IGF1R: variants seen among roughly 807,000 people sequenced by gnomAD.
The protein encoded by IGF1R is insulin like growth factor 1 receptor, also known as insulin-like growth factor 1 receptor.
IGF1R carries 44 observed loss-of-function variants against 144.6 expected under a neutral mutation model. That is an observed-to-expected ratio of 0.30 (90% CI 0.24 to 0.39). IGF1R has a LOEUF of 0.39. IGF1R is among the 10% of genes least tolerant of loss of function. The probability of loss-of-function intolerance (pLI) is 1.00; values close to 1 mark genes in which losing one functional copy is unlikely to be tolerated. For missense variants in IGF1R, 1,355 were observed against 1,833.7 expected (o/e 0.74, Z 4.77); for synonymous variants, 795 against 722.8 (o/e 1.10, Z -1.60).
intron 2 of IGF1R, among the ~76,000 whole-genome samples, chr15:98,890,128 G>A (rs995167770): frequency 2.0e-5 from 3 of 152,170 alleles, no homozygotes; most frequent in African/African-American, 7.2e-5. Flanking sequence ...ATATCCTATG[G>A]TTCTGTGGGC....
intron 2 of IGF1R, among the ~76,000 whole-genome samples, chr15:98,839,604 T>C (rs975023717): frequency 6.6e-6 from 1 of 152,242 alleles, no homozygotes; most frequent in African/African-American, 2.4e-5. Context: ...TGCATTCCTC[T>C]TCTTTCTAGA....
At chr15:98,777,266 T>A (rs2055742935) in intron 2 of IGF1R, among the ~76,000 whole-genome samples, 1 of 152,232 alleles carries the variant, frequency 6.6e-6, no homozygotes, top group African/African-American at 2.4e-5. Flanking sequence ...CAGTGTGGTT[T>A]GTTTTAAGTG....
intron 2 of IGF1R, among the ~76,000 whole-genome samples, chr15:98,867,246 A>G (rs1401839477): frequency 6.6e-6 from 1 of 152,216 alleles, no homozygotes; most frequent in African/African-American, 2.4e-5. Context: ...TTGCGCAGCA[A>G]CAAAAGCCAC....
intron 2 of IGF1R, among the ~76,000 whole-genome samples, chr15:98,799,348 A>G (rs1366303596): frequency 7.5e-6 from 1 of 134,098 alleles, no homozygotes; most frequent in African/African-American, 2.8e-5. Flanking sequence ...TTGGATAGCT[A>G]GAAGGGCTGC....
Position 98,649,477 on chromosome 15 carries a change from C to G in IGF1R, c.-105C>G, listed in dbSNP as rs1486572793. The G allele has an allele frequency of 1.2e-6, 1 of 807,344 alleles. No homozygotes were observed. The highest frequency in any genetic ancestry group is 2.5e-5 in the Admixed American group (1 of 39,848). 50.0% of individuals were successfully genotyped at this position (807,344 alleles called of 1,614,324 possible). A position where few individuals can be genotyped will look rare whatever the true frequency, so the allele number is the denominator to read the frequency against. On this transcript the variant is annotated 5_prime_UTR_variant, in exon 1 of 21. Transcript: ENST00000650285. ...CTTGTTTTTGGAGGGGGAGCGAAGA[C>G]TGAGTTTGAGACTTGTTTCCTTTCA...
intron 10 of IGF1R, among the ~76,000 whole-genome samples, chr15:98,919,854 C>T (rs557201429): frequency 6.6e-6 from 1 of 152,302 alleles, no homozygotes; most frequent in East Asian, 1.9e-4. Context: ...CTGTTTTACA[C>T]GTGGATTGTC....
At chr15:98,939,120 T>C in intron 17 of IGF1R, 81 bp from the exon 18 acceptor site, 1 of 1,184,196 alleles carries the variant, frequency 8.4e-7, no homozygotes, top group Non-Finnish European at 1.3e-6. Context: ...TGAACAAAGA[T>C]GATATGCAAA....
At chr15:98,936,314 C>A (rs1257737803) in intron 17 of IGF1R, among the ~76,000 whole-genome samples, 1 of 152,200 alleles carries the variant, frequency 6.6e-6, no homozygotes, top group African/African-American at 2.4e-5. Flanking sequence ...TGCAATTTTT[C>A]ATTAAAAGTC....
intron 2 of IGF1R, among the ~76,000 whole-genome samples, chr15:98,792,672 G>A (rs1417335254): frequency 1.3e-5 from 2 of 152,094 alleles, no homozygotes; most frequent in African/African-American, 4.8e-5. Flanking sequence ...ATTCCTAGGT[G>A]GCATGGGAGG....
intron 2 of IGF1R, among the ~76,000 whole-genome samples, chr15:98,866,018 G>A (rs1054436121): frequency 6.6e-6 from 1 of 152,210 alleles, no homozygotes; most frequent in Non-Finnish European, 1.5e-5. Context: ...CACCCGGATG[G>A]GTTGGTAGTG....
chr15:98,833,521 T>G (rs1200180400), intron 2 of IGF1R, among the ~76,000 whole-genome samples: 1 of 152,232 alleles, frequency 6.6e-6, no homozygotes, highest in Non-Finnish European at 1.5e-5. Flanking sequence ...TGGCTCCATT[T>G]TTGAATGGCC....
At chr15:98,884,483 A>G (rs1231450712) in intron 2 of IGF1R, among the ~76,000 whole-genome samples, 3 of 152,140 alleles carry the variant, frequency 2.0e-5, no homozygotes, top group Non-Finnish European at 2.9e-5. Flanking sequence ...TCACGAGGTC[A>G]GGAGATTGAG....
At chr15:98,753,009 C>T (rs2055054630) in intron 2 of IGF1R, among the ~76,000 whole-genome samples, 1 of 144,988 alleles carries the variant, frequency 6.9e-6, no homozygotes, top group Non-Finnish European at 1.5e-5. Context: ...GATCTTGGCT[C>T]ACTGCAACCT....
chr15:98,766,591 T>G (rs1177340369), intron 2 of IGF1R, among the ~76,000 whole-genome samples: 1 of 152,250 alleles, frequency 6.6e-6, no homozygotes, highest in Non-Finnish European at 1.5e-5. Context: ...ATAATGTATT[T>G]ATTGATTGAT....
chr15:98,865,378 G>C (rs2012373490), intron 2 of IGF1R, among the ~76,000 whole-genome samples: 1 of 152,220 alleles, frequency 6.6e-6, no homozygotes, highest in South Asian at 2.1e-4. Flanking sequence ...GTACAGGCGT[G>C]GATCTGGGTT....
chr15:98,953,834 G>A (rs2016871669), intron 20 of IGF1R, among the ~76,000 whole-genome samples: 1 of 152,182 alleles, frequency 6.6e-6, no homozygotes, highest in African/African-American at 2.4e-5. Flanking sequence ...CTGGAATCCT[G>A]GTTTGGTTCT....
chr15:98,688,188 G>T (rs1274367391), intron 1 of IGF1R, among the ~76,000 whole-genome samples: 1 of 152,128 alleles, frequency 6.6e-6, no homozygotes, highest in Non-Finnish European at 1.5e-5. Flanking sequence ...AGGGGGCAGG[G>T]TTTTGGATTC....
chr15:98,857,776 C>G (rs996325126), intron 2 of IGF1R, among the ~76,000 whole-genome samples: 17 of 152,174 alleles, frequency 1.1e-4, no homozygotes, highest in African/African-American at 4.1e-4. Flanking sequence ...CTGGACATCA[C>G]AGATCTAACA....
At chr15:98,683,820 G>A (rs2053252561) in intron 1 of IGF1R, among the ~76,000 whole-genome samples, 1 of 152,142 alleles carries the variant, frequency 6.6e-6, no homozygotes, top group African/African-American at 2.4e-5. Flanking sequence ...TTGGAAATCG[G>A]GACATAATTC....
Sources: gnomAD v4.1 joint callset for allele counts (sites outside exome capture counted in the v4.1 genomes callset) on GRCh38, gnomAD v4.1.1 for gene constraint, MANE v1.5 for transcripts, NCBI Gene and HGNC (gene_info 2026-07-23, HGNC 2026-07-21) for gene names.